The following LINGO2 variants were observed in gnomAD, a reference collection of about 807,000 sequenced individuals.
LINGO2 encodes leucine-rich repeat and immunoglobulin-like domain-containing nogo receptor-interacting protein 2.
LINGO2 carries 14 observed loss-of-function variants against 30.6 expected under a neutral mutation model. The observed-to-expected ratio is 0.46, with a 90% CI of 0.30 to 0.72. The LOEUF (loss-of-function observed/expected upper bound fraction) is 0.72, where lower values mean the gene tolerates loss of function less well. LINGO2 is among the 30% of genes least tolerant of loss of function. The probability of loss-of-function intolerance (pLI) is 0.07; values close to 1 mark genes in which losing one functional copy is unlikely to be tolerated. For synonymous variants in LINGO2, 317 were observed against 288.5 expected, an observed-to-expected ratio of 1.10 and a Z score of -1.00; for missense variants, 729 against 751.7, an observed-to-expected ratio of 0.97 and a Z score of 0.35.
intron 4 of LINGO2, among the ~76,000 whole-genome samples, chr9:28,224,116 G>A (rs1053685318): frequency 1.3e-5 from 2 of 152,242 alleles, no homozygotes; most frequent in South Asian, 4.2e-4. Flanking sequence ...CCAGGCTGGA[G>A]TGCAGTGGTG....
chr9:28,330,290 T>G (rs1029125393), intron 3 of LINGO2, among the ~76,000 whole-genome samples: 5 of 152,170 alleles, frequency 3.3e-5, no homozygotes, highest in Admixed American at 2.6e-4. Context: ...TTTCTGTTGT[T>G]TAAGCCACTC....
chr9:29,053,805 T>G, the LINGO2 span, among the ~76,000 whole-genome samples: 7 of 152,094 alleles, frequency 4.6e-5, no homozygotes, highest in Non-Finnish European at 1.0e-4. Context: ...AAATTTGTAT[T>G]TTCAAGAAAA....
chr9:28,846,245 CA>C, the LINGO2 span, among the ~76,000 whole-genome samples: 1 of 151,610 alleles, frequency 6.6e-6, no homozygotes, highest in African/African-American at 2.4e-5. Context: ...TTAATGTAGT[CA>C]ACATGGTTGA....
chr9:28,700,114 T>C, the LINGO2 span, among the ~76,000 whole-genome samples: 1 of 151,990 alleles, frequency 6.6e-6, no homozygotes, highest in Admixed American at 6.6e-5. Flanking sequence ...GCTGGTTTTG[T>C]GGCTCAGGTG....
chr9:28,739,060 G>C, the LINGO2 span, among the ~76,000 whole-genome samples: 2 of 151,908 alleles, frequency 1.3e-5, no homozygotes, highest in Admixed American at 1.3e-4. Flanking sequence ...TTTAAAAAAT[G>C]ATGATTTATA....
chr9:28,445,373 A>G (rs1824381261), intron 2 of LINGO2, among the ~76,000 whole-genome samples: 1 of 152,168 alleles, frequency 6.6e-6, no homozygotes, highest in African/African-American at 2.4e-5. Context: ...CTTGTGATCA[A>G]AGCCACAGAA....
chr9:29,117,845 T>C, the LINGO2 span, among the ~76,000 whole-genome samples: 2 of 152,226 alleles, frequency 1.3e-5, no homozygotes, highest in African/African-American at 2.4e-5. Flanking sequence ...TATCAACTTA[T>C]AACTAGATGA....
chr9:29,001,602 A>G, the LINGO2 span, among the ~76,000 whole-genome samples: 1 of 152,006 alleles, frequency 6.6e-6, no homozygotes, highest in African/African-American at 2.4e-5. Flanking sequence ...AAAATTTTCA[A>G]ACTAAGTAGG....
chr9:29,078,306 G>A, the LINGO2 span, among the ~76,000 whole-genome samples: 1 of 151,872 alleles, frequency 6.6e-6, no homozygotes, highest in African/African-American at 2.4e-5. Flanking sequence ...TGAAAATCTG[G>A]AGAACTGATT....
chr9:28,813,302 G>A, the LINGO2 span, among the ~76,000 whole-genome samples: 1 of 152,064 alleles, frequency 6.6e-6, no homozygotes, highest in African/African-American at 2.4e-5. Flanking sequence ...TTTTCTCTAC[G>A]CATATGTACT....
At chr9:28,602,706 A>T (rs1037847264) in intron 1 of LINGO2, among the ~76,000 whole-genome samples, 4 of 152,066 alleles carry the variant, frequency 2.6e-5, no homozygotes, top group African/African-American at 9.7e-5. Flanking sequence ...CTTTTCTAAC[A>T]TATTTGTTAG....
chr9:28,733,833 C>T, the LINGO2 span, among the ~76,000 whole-genome samples: 3 of 152,130 alleles, frequency 2.0e-5, no homozygotes, highest in Admixed American at 6.5e-5. Context: ...CATATCTATT[C>T]TTCATTGGCC....
At chr9:28,728,675 A>C in the LINGO2 span, among the ~76,000 whole-genome samples, 1 of 152,150 alleles carries the variant, frequency 6.6e-6, no homozygotes, top group Non-Finnish European at 1.5e-5. Flanking sequence ...CAGAAACATC[A>C]CTGAATGACA....
intron 4 of LINGO2, among the ~76,000 whole-genome samples, chr9:28,228,077 C>A (rs576246057): frequency 3.8e-4 from 58 of 152,052 alleles, no homozygotes; most frequent in African/African-American, 1.3e-3. Context: ...ATGATTCCAT[C>A]TAATTACAAA....
the LINGO2 span, among the ~76,000 whole-genome samples, chr9:29,167,779 A>G: frequency 6.6e-6 from 1 of 152,170 alleles, no homozygotes; most frequent in South Asian, 2.1e-4. Flanking sequence ...AAATCACCCA[A>G]TTCACATTTC....
chr9:27,993,005 A>G (rs1371048886), intron 5 of LINGO2, among the ~76,000 whole-genome samples: 2 of 152,250 alleles, frequency 1.3e-5, no homozygotes, highest in South Asian at 4.1e-4. Flanking sequence ...TTGTCATTAG[A>G]TGGGAAATCA....
At chr9:29,193,756 T>C in the LINGO2 span, among the ~76,000 whole-genome samples, 2 of 152,304 alleles carry the variant, frequency 1.3e-5, no homozygotes, top group African/African-American at 4.8e-5. Flanking sequence ...TAGAAACTTA[T>C]TGGCTCTTTT....
At chr9:29,053,675 T>C in the LINGO2 span, among the ~76,000 whole-genome samples, 2 of 152,198 alleles carry the variant, frequency 1.3e-5, no homozygotes, top group African/African-American at 2.4e-5. Flanking sequence ...TGAACAGTTT[T>C]ATTGTGGAGT....
chr9:28,769,418 A>T, the LINGO2 span, among the ~76,000 whole-genome samples: 1 of 142,208 alleles, frequency 7.0e-6, no homozygotes, highest in African/African-American at 2.6e-5. Context: ...TCTAAAAAAA[A>T]AAAGTCTGAT....
Sources: allele counts gnomAD v4.1 joint callset (sites outside exome capture counted in the v4.1 genomes callset), GRCh38; gene constraint gnomAD v4.1.1; transcripts MANE v1.5; gene names NCBI Gene and HGNC (gene_info 2026-07-23, HGNC 2026-07-21).